Variants in VPS53 observed in about 807,000 individuals in gnomAD.
The protein encoded by VPS53 is VPS53 subunit of GARP complex, also known as vacuolar protein sorting-associated protein 53 homolog.
VPS53 carries 70 observed loss-of-function variants against 107.0 expected under a neutral mutation model. That is an observed-to-expected ratio of 0.65 (90% CI 0.54 to 0.80). The LOEUF is 0.80. VPS53 is among the 30% of genes least tolerant of loss of function. The pLI is 0.00. For missense variants in VPS53, 917 were observed against 1,049.4 expected (o/e 0.87, Z 1.74); for synonymous variants, 409 against 393.3 (o/e 1.04, Z -0.47).
At chr17:523,574 TAATTTTAAC>T (rs1329422441) in intron 19 of VPS53, 1 of 152,230 alleles carries the variant, frequency 6.6e-6, no homozygotes, top group Non-Finnish European at 1.5e-5. Flanking sequence ...ATGGCAATTG[TAATTTTAAC>T]AATGGTAGAA....
chr17:548,741 A>G (rs1475330840), intron 17 of VPS53, among the ~76,000 whole-genome samples: 1 of 152,260 alleles, frequency 6.6e-6, no homozygotes, highest in Admixed American at 6.5e-5. Flanking sequence ...CAGTCCAAGT[A>G]CAGGAGTAGC....
chr17:584,185 G>A (rs960892814), intron 13 of VPS53, among the ~76,000 whole-genome samples: 5 of 152,194 alleles, frequency 3.3e-5, no homozygotes, highest in Non-Finnish European at 5.9e-5. Flanking sequence ...TTCCGAGTGC[G>A]TTCTTTAGAC....
intron 4 of VPS53, among the ~76,000 whole-genome samples, chr17:693,420 A>C (rs1972841225): frequency 6.6e-6 from 1 of 152,156 alleles, no homozygotes; most frequent in Admixed American, 6.5e-5. Flanking sequence ...TGTATCCCCC[A>C]CAGGTAAGTG....
At chr17:646,515 T>TCTTTTCTAATTCATAC (rs1970719824) in intron 7 of VPS53, among the ~76,000 whole-genome samples, 1 of 68,502 alleles carries the variant, frequency 1.5e-5, no homozygotes, top group Non-Finnish European at 3.1e-5. Flanking sequence ...CTAATCCGTA[T>TCTTTTCTAATTCATAC]CACGGACTGG....
At chr17:700,364 G>A (rs908781226) in intron 2 of VPS53, among the ~76,000 whole-genome samples, 7 of 151,428 alleles carry the variant, frequency 4.6e-5, no homozygotes, top group South Asian at 2.1e-4. Context: ...CCGTCATGGC[G>A]AAACCCCATC....
At chr17:714,517 G>T in intron 1 of VPS53, 106 bp downstream of exon 1, 2 of 1,105,470 alleles carry the variant, frequency 1.8e-6, no homozygotes, top group South Asian at 1.4e-5. Context: ...CCCTTCTGCC[G>T]CGAGCCCCCG....
At chr17:587,699 G>C (rs1967390157) in intron 12 of VPS53, among the ~76,000 whole-genome samples, 1 of 152,140 alleles carries the variant, frequency 6.6e-6, no homozygotes, top group Non-Finnish European at 1.5e-5. Flanking sequence ...TAACAAATGT[G>C]AATTCTGTCT....
chr17:647,330 T>G (rs1161352365), intron 7 of VPS53, among the ~76,000 whole-genome samples: 2 of 152,248 alleles, frequency 1.3e-5, no homozygotes, highest in Non-Finnish European at 2.9e-5. Flanking sequence ...GTCTTTCTTC[T>G]CCATACAAAA....
At chr17:650,695 G>C (rs977857991) in intron 7 of VPS53, among the ~76,000 whole-genome samples, 3 of 152,190 alleles carry the variant, frequency 2.0e-5, no homozygotes, top group African/African-American at 7.2e-5. Flanking sequence ...ATGGGCAGTA[G>C]CTACTAAAAT....
intron 11 of VPS53, among the ~76,000 whole-genome samples, chr17:606,028 G>A (rs34167561): frequency 0.35 from 52,791 of 151,956 alleles, 10,986 homozygotes; most frequent in Non-Finnish European, 0.47. Flanking sequence ...CAGTGCTCCA[G>A]GAAAGGGCTG....
At chr17:698,726 A>G (rs1973080728) in intron 3 of VPS53, among the ~76,000 whole-genome samples, 1 of 152,104 alleles carries the variant, frequency 6.6e-6, no homozygotes, top group African/African-American at 2.4e-5. Context: ...AAAAAAAGAA[A>G]AAAAAAATCT....
At chr17:680,187 G>A (rs780918300) in intron 4 of VPS53, among the ~76,000 whole-genome samples, 2 of 152,058 alleles carry the variant, frequency 1.3e-5, no homozygotes, top group African/African-American at 2.4e-5. Flanking sequence ...CCAGCTACTC[G>A]GGAGGCTGAG....
In VPS53 at chr17:586,259, TCCTC is replaced by T; in HGVS notation, c.1313+7_1313+10del. On this transcript the variant is annotated splice_region_variant and intron_variant, in intron 13 of 21. Transcript: ENST00000437048. The stretch of plus-strand genomic sequence containing the variant: ...AATGCAGGCAGAAAACAGCGAATGT[TCCTC>T]ACTCACTTGTCTTGGGATTCGATAT... The T allele has an allele frequency of 6.2e-7, 1 of 1,612,706 alleles. No individual in the cohort carries two copies.
intron 12 of VPS53, 87 bp from the exon 13 acceptor site, chr17:586,451 C>G: frequency 7.9e-7 from 1 of 1,263,820 alleles, no homozygotes. Flanking sequence ...TTTCAAAGTT[C>G]ATTCCTAAGT....
intron 8 of VPS53, among the ~76,000 whole-genome samples, chr17:629,570 A>G (rs530975152): frequency 5.9e-5 from 9 of 152,002 alleles, no homozygotes; most frequent in African/African-American, 2.2e-4. Flanking sequence ...CATCATGGCT[A>G]ACATGGTGAA....
chr17:625,617 G>A (rs968793363), intron 10 of VPS53, among the ~76,000 whole-genome samples: 1 of 152,196 alleles, frequency 6.6e-6, no homozygotes, highest in Admixed American at 6.5e-5. Flanking sequence ...TCTGGCGGAA[G>A]GTGCCGACCA....
chr17:672,175 A>ATCTCTCTCTCTCTCTCTCTCTCTCTC (rs10539620), intron 4 of VPS53, among the ~76,000 whole-genome samples: 16 of 107,160 alleles, frequency 1.5e-4, no homozygotes, highest in South Asian at 3.9e-4. Flanking sequence ...CACAATCTCA[A>ATCTCTCTCTCTCTCTCTCTCTCTCTC]TCTCTCTCTC....
chr17:621,387 CCT>C (rs1226986459), intron 11 of VPS53, among the ~76,000 whole-genome samples: 1 of 152,200 alleles, frequency 6.6e-6, no homozygotes, highest in African/African-American at 2.4e-5. Flanking sequence ...CTGCAGTTCA[CCT>C]CTTTCTTTGT....
intron 11 of VPS53, among the ~76,000 whole-genome samples, chr17:609,829 A>G (rs1968764444): frequency 6.6e-6 from 1 of 152,164 alleles, no homozygotes; most frequent in African/African-American, 2.4e-5. Flanking sequence ...TCTCAAATGC[A>G]TATAAAATTA....
Sources: allele counts gnomAD v4.1 joint callset (sites outside exome capture counted in the v4.1 genomes callset), GRCh38; gene constraint gnomAD v4.1.1; transcripts MANE v1.5; gene names NCBI Gene and HGNC (gene_info 2026-07-23, HGNC 2026-07-21).